The following BANK1 variants were observed in gnomAD, a reference collection of about 807,000 sequenced individuals.
The protein encoded by BANK1 is B cell scaffold protein with ankyrin repeats 1, also known as B-cell scaffold protein with ankyrin repeats.
In BANK1, 95 loss-of-function variants were observed where a neutral mutation model predicts 94.5. The ratio of observed to expected loss-of-function variants is 1.00; its 90% CI spans 0.85 to 1.19. The LOEUF (loss-of-function observed/expected upper bound fraction) is 1.19. BANK1 is among the 50% of genes most tolerant of loss of function. The pLI, the probability that BANK1 is intolerant of heterozygous loss-of-function variation, is 0.00. For missense variants in BANK1, 987 were observed against 932.2 expected, an observed-to-expected ratio of 1.06 and a Z score of -0.77; for synonymous variants, 334 against 308.4, an observed-to-expected ratio of 1.08 and a Z score of -0.87.
At chr4:101,896,681 T>C (rs898847434) in intron 6 of BANK1, among the ~76,000 whole-genome samples, 1 of 151,912 alleles carries the variant, frequency 6.6e-6, no homozygotes, top group African/African-American at 2.4e-5. Context: ...ATATGACACA[T>C]AATTTAATTG....
chr4:102,025,222 A>C lies in BANK1; in HGVS notation c.1307A>C (p.His436Pro). 2 of 1,614,182 alleles carry C rather than the reference A, an allele frequency of 1.2e-6. No homozygotes were observed. The highest frequency in any genetic ancestry group is 1.7e-6 in the Non-Finnish European group (2 of 1,179,998). Residue 436 changes from histidine (H) to proline (P), a missense_variant, in exon 9 of 17, where the codon CAT (histidine) becomes CCT (proline). Coordinates refer to ENST00000322953, the MANE Select transcript of BANK1 (RefSeq NM_017935.5). ...YIPSTQNPAF[H>P]HESRKTYGQS... ...ACAGCCACACAGAACCCAGCATTTC[A>C]TCATGAAAGCAGGAAGACATACGGG...
At chr4:102,066,767 T>G (rs1728608650) in intron 13 of BANK1, among the ~76,000 whole-genome samples, 1 of 152,278 alleles carries the variant, frequency 6.6e-6, no homozygotes, top group South Asian at 2.1e-4. Flanking sequence ...GGAAAAAGAA[T>G]ACTGAAATTA....
At chr4:101,950,067 G>A (rs1304736058) in intron 7 of BANK1, among the ~76,000 whole-genome samples, 7 of 138,032 alleles carry the variant, frequency 5.1e-5, no homozygotes, top group African/African-American at 2.2e-4. Context: ...GTGTGCGCGT[G>A]CGCGCGCATG....
At chr4:101,988,438 T>C (rs959106233) in intron 7 of BANK1, among the ~76,000 whole-genome samples, 1 of 152,208 alleles carries the variant, frequency 6.6e-6, no homozygotes, top group Admixed American at 6.5e-5. Flanking sequence ...GTTTTTGTTA[T>C]TGTTGCTTTG....
rs767616218 is a variant in BANK1 at position 102,072,340 on chromosome 4, T to G, written c.2243-5T>G. The stretch of plus-strand genomic sequence containing the variant: ...AAGAGGTAATAACTGAGTTTGTATT[T>G]CTAGGTAAGGAAACTGCCCACAATG... On this transcript the variant is annotated splice_region_variant and splice_polypyrimidine_tract_variant and intron_variant, in intron 14 of 16. Coordinates refer to ENST00000322953, the MANE Select transcript of BANK1 (RefSeq NM_017935.5). 1.3e-6 allele frequency: 2 copies of G among 1,576,306 alleles called. No individual in the cohort carries two copies. Among genetic ancestry groups the G allele is most frequent in the Non-Finnish European group, 1.7e-6 (2 of 1,147,014 alleles).
In BANK1 at chr4:102,074,464, A is replaced by T. The variant is rs1171672109; in HGVS notation, c.*465A>T. ...CTGGTTCATTTTCTGAATTTCTCACATTCAGAGTTCCAGTCATTATTGTTA... is the reference window on the plus strand; with the variant it reads ...CTGGTTCATTTTCTGAATTTCTCACTTTCAGAGTTCCAGTCATTATTGTTA... On this transcript the variant is annotated 3_prime_UTR_variant, in exon 17 of 17. Coordinates refer to ENST00000322953, the MANE Select transcript of BANK1 (RefSeq NM_017935.5). The T allele has an allele frequency of 6.6e-6, 1 of 152,050 alleles. No homozygotes were observed. Among genetic ancestry groups the T allele is most frequent in the Non-Finnish European group, 1.5e-5 (1 of 67,908 alleles). The allele number at this position is 152,050 out of a possible 1,614,324, so 9.4% of individuals were successfully genotyped here.
chr4:101,846,300 T>A (rs1234786562), intron 2 of BANK1, among the ~76,000 whole-genome samples: 1 of 152,210 alleles, frequency 6.6e-6, no homozygotes, highest in Non-Finnish European at 1.5e-5. Flanking sequence ...CTGGAAACCA[T>A]CATTCTCAGC....
At position 101,998,299 on chromosome 4, in the gene BANK1, T is replaced by C. The variant is rs185284222; in HGVS notation, c.1207-23215T>C. On this transcript the variant is annotated intron_variant, in intron 7 of 16. Transcript: ENST00000322953. ...CTGAGAGACGGTTTGTTATTATTTC[T>C]GTTCTTTTTCATTTGCTGAGGAGTG... Among the ~76,000 whole-genome samples the C allele has an allele frequency of 3.8e-3, 579 of 152,350 alleles. 7 individuals carry two copies. Among genetic ancestry groups the C allele is most frequent in the African/African-American group, 0.013 (553 of 41,588 alleles).
At chr4:101,796,361 C>A (rs1237626641) in intron 1 of BANK1, among the ~76,000 whole-genome samples, 1 of 152,016 alleles carries the variant, frequency 6.6e-6, no homozygotes, top group East Asian at 1.9e-4. Context: ...GCTAGCATAC[C>A]TTTATTTATC....
At chr4:102,068,455 AC>A (rs1728658084) in intron 13 of BANK1, among the ~76,000 whole-genome samples, 1 of 152,186 alleles carries the variant, frequency 6.6e-6, no homozygotes, top group African/African-American at 2.4e-5. Flanking sequence ...AAAAAAGACA[AC>A]AAGATACCTA....
chr4:101,906,370 C>A (rs1057461182), intron 6 of BANK1, among the ~76,000 whole-genome samples: 1 of 152,118 alleles, frequency 6.6e-6, no homozygotes, highest in Non-Finnish European at 1.5e-5. Context: ...AAGGGAACTG[C>A]CAAGCCTCTA....
rs539392970 is a variant in BANK1 at position 101,914,307 on chromosome 4, C to T, written c.1010-3686C>T. Reference sequence around the variant, plus strand: ...GACTTGAATGGTCACAGTTGCCTCCCCCAGCTCCACAGCTTTTCTGGCCTC... The same window carrying T: ...GACTTGAATGGTCACAGTTGCCTCCTCCAGCTCCACAGCTTTTCTGGCCTC... On this transcript the variant is annotated intron_variant, in intron 6 of 16. Coordinates refer to ENST00000322953, the MANE Select transcript of BANK1 (RefSeq NM_017935.5). 2.6e-5 allele frequency among the ~76,000 whole-genome samples: 4 copies of T among 152,172 alleles called. No individual in the cohort carries two copies. The East Asian group carries it at 5.8e-4, about 22-fold the overall frequency.
chr4:101,815,673 G>GT (rs1422056088), intron 1 of BANK1, among the ~76,000 whole-genome samples: 1 of 151,876 alleles, frequency 6.6e-6, no homozygotes, highest in Non-Finnish European at 1.5e-5. Flanking sequence ...AAATTAATAG[G>GT]TTTTAAAATG....
chr4:101,877,177 A>T (rs1479629348), intron 5 of BANK1, among the ~76,000 whole-genome samples: 1 of 152,196 alleles, frequency 6.6e-6, no homozygotes, highest in Admixed American at 6.5e-5. Flanking sequence ...CTAGAGAAAG[A>T]TATCAATGTC....
At chr4:102,007,120 T>TA (rs1301827687) in intron 7 of BANK1, among the ~76,000 whole-genome samples, 2 of 35,292 alleles carry the variant, frequency 5.7e-5, no homozygotes, top group African/African-American at 7.9e-5. Flanking sequence ...TAAATATATA[T>TA]TTTATATATA....
intron 2 of BANK1, among the ~76,000 whole-genome samples, chr4:101,849,298 G>C (rs764714068): frequency 6.6e-6 from 1 of 152,076 alleles, no homozygotes; most frequent in Non-Finnish European, 1.5e-5. Flanking sequence ...TTGAGTGCTG[G>C]TCACTTCCTG....
chr4:101,874,857 G>T (rs1032741098), intron 5 of BANK1, among the ~76,000 whole-genome samples: 1 of 152,134 alleles, frequency 6.6e-6, no homozygotes, highest in Admixed American at 6.6e-5. Context: ...ATACAAGGGG[G>T]CAACTAATAT....
intron 8 of BANK1, among the ~76,000 whole-genome samples, chr4:102,024,955 T>C (rs1034058212): frequency 6.6e-6 from 1 of 152,224 alleles, no homozygotes; most frequent in African/African-American, 2.4e-5. Context: ...TATCGTTATC[T>C]GCATGAGTGT....
chr4:102,025,861 TCA>T (rs1727073518), intron 9 of BANK1, among the ~76,000 whole-genome samples: 1 of 152,200 alleles, frequency 6.6e-6, no homozygotes, highest in African/African-American at 2.4e-5. Flanking sequence ...CTGTAGTTCT[TCA>T]CATAAAATGA....
Sources: gnomAD v4.1 joint callset for allele counts (sites outside exome capture counted in the v4.1 genomes callset) on GRCh38, gnomAD v4.1.1 for gene constraint, MANE v1.5 for transcripts, NCBI Gene and HGNC (gene_info 2026-07-23, HGNC 2026-07-21) for gene names.